The following MAP3K21 variants were observed in gnomAD, a reference collection of about 807,000 sequenced individuals.
MAP3K21 encodes mitogen-activated protein kinase kinase kinase MLK4.
Under a neutral mutation model 86.1 loss-of-function variants are expected in MAP3K21, and 63 were observed. That is an observed-to-expected ratio of 0.73 (90% CI 0.60 to 0.90). MAP3K21 has a LOEUF of 0.90. Ranked by LOEUF, MAP3K21 falls within the 40% of genes least tolerant of loss-of-function variation. MAP3K21 has a pLI of 0.00. For missense variants in MAP3K21, 1,220 were observed against 1,367.7 expected, an observed-to-expected ratio of 0.89 and a Z score of 1.70; for synonymous variants, 558 against 564.8, an observed-to-expected ratio of 0.99 and a Z score of 0.17.
At position 233,328,886 on chromosome 1, in the gene MAP3K21, C is replaced by T; in HGVS notation, c.805+53C>T. 2.8e-6 allele frequency: 4 copies of T among 1,405,976 alleles called. No homozygotes were observed. Among genetic ancestry groups the T allele is most frequent in the Admixed American group, 2.7e-5 (1 of 37,676 alleles). 87.1% of individuals were successfully genotyped at this position (1,405,976 alleles called of 1,614,324 possible). On this transcript the variant is annotated intron_variant, in intron 1 of 9. Coordinates refer to ENST00000366624, the MANE Select transcript of MAP3K21 (RefSeq NM_032435.3). The surrounding 1 kb of genome is among the most constrained non-coding windows in gnomAD (Gnocchi z 8.7). ...AAGACTACCTCCGTGCCAGCCCAGG[C>T]GGGCTCCACAGGACATAGTACCAGA...
chr1:233,359,388 A>G (rs1437752280), intron 4 of MAP3K21, among the ~76,000 whole-genome samples: 1 of 152,222 alleles, frequency 6.6e-6, no homozygotes, highest in Non-Finnish European at 1.5e-5. Context: ...TGGATTTACA[A>G]TTAAAGAATA....
intron 8 of MAP3K21, among the ~76,000 whole-genome samples, chr1:233,378,247 G>T (rs1225907954): frequency 3.3e-5 from 5 of 152,228 alleles, no homozygotes; most frequent in Non-Finnish European, 5.9e-5. Context: ...TGATAAGAAT[G>T]TTAGCTTCCT....
At chr1:233,381,875 C>T (rs1294238) in intron 9 of MAP3K21, among the ~76,000 whole-genome samples, 65,977 of 151,448 alleles carry the variant, frequency 0.44, 14,524 homozygotes, top group African/African-American at 0.51. Flanking sequence ...ATCATGTTGA[C>T]CATCATTTTT....
intron 5 of MAP3K21, among the ~76,000 whole-genome samples, chr1:233,365,336 A>G (rs530056904): frequency 3.3e-5 from 5 of 152,232 alleles, no homozygotes; most frequent in Non-Finnish European, 5.9e-5. Flanking sequence ...CAGAGTGAAG[A>G]GACCACCTGT....
chr1:233,349,698 G>T (rs1663212528), intron 2 of MAP3K21, among the ~76,000 whole-genome samples: 1 of 152,130 alleles, frequency 6.6e-6, no homozygotes, highest in Non-Finnish European at 1.5e-5. Flanking sequence ...CAACACTTTG[G>T]GAGGCCGAGG....
intron 1 of MAP3K21, among the ~76,000 whole-genome samples, chr1:233,336,082 G>A (rs1662906062): frequency 6.6e-6 from 1 of 152,146 alleles, no homozygotes; most frequent in Non-Finnish European, 1.5e-5. Flanking sequence ...ACCTATTGTG[G>A]CGTCAGAATC....
In MAP3K21 at chr1:233,328,932, C is replaced by A; in HGVS notation, c.805+99C>A. On this transcript the variant is annotated intron_variant, in intron 1 of 9. Transcript: ENST00000366624. The surrounding 1 kb of genome is among the most constrained non-coding windows in gnomAD (Gnocchi z 8.7). ...CCAGATGGAAAGAGGTGGGAGTCAG[C>A]CTTAGGGCGCCAGCAGCAACTCATG... 8.5e-7 allele frequency: 1 copy of A among 1,175,074 alleles called. No individual in the cohort carries two copies. The highest frequency in any genetic ancestry group is 1.1e-6 in the Non-Finnish European group (1 of 929,554). The allele number at this position is 1,175,074 out of a possible 1,614,324, so 72.8% of individuals were successfully genotyped here. A position where few individuals can be genotyped will look rare whatever the true frequency, so the allele number is the denominator to read the frequency against.
At chr1:233,351,174 A>G (rs193275072) in intron 2 of MAP3K21, among the ~76,000 whole-genome samples, 11 of 152,282 alleles carry the variant, frequency 7.2e-5, no homozygotes, top group Non-Finnish European at 1.3e-4. Flanking sequence ...GATGTCTCCT[A>G]TAATTAACTA....
chr1:233,349,298 C>A (rs185534980), intron 2 of MAP3K21, among the ~76,000 whole-genome samples: 104 of 152,232 alleles, frequency 6.8e-4, no homozygotes, highest in African/African-American at 2.4e-3. Context: ...CATTGGCTAT[C>A]TTTTTAAGAT....
intron 1 of MAP3K21, among the ~76,000 whole-genome samples, chr1:233,341,979 G>GA (rs532306775): frequency 3.4e-4 from 51 of 148,012 alleles, no homozygotes; most frequent in African/African-American, 9.1e-4. Context: ...TGCAGCTGAT[G>GA]AAAAAAAAAA....
At chr1:233,374,893 T>C (rs1276216860) in intron 6 of MAP3K21, among the ~76,000 whole-genome samples, 1 of 150,926 alleles carries the variant, frequency 6.6e-6, no homozygotes, top group Non-Finnish European at 1.5e-5. Flanking sequence ...TTTCAGATAT[T>C]TTTCCCCTAA....
rs770589039 is a variant in MAP3K21 at position 233,379,686 on chromosome 1, A to G, written c.2680A>G (p.Met894Val). The G allele has an allele frequency of 1.9e-6, 3 of 1,611,724 alleles. No individual in the cohort carries two copies. Among genetic ancestry groups the G allele is most frequent in the East Asian group, 4.5e-5 (2 of 44,844 alleles). ...TAGACCGTCACATCACAGACGGACC[A>G]TGTCTGATGGAAATCCGACCCCAAG... Reference protein sequence around the residue: ...KHRPSHHRRTMSDGNPTPTGA... With the variant: ...KHRPSHHRRTVSDGNPTPTGA... The change falls in exon 9 of 10, where the codon ATG (methionine) becomes GTG (valine). Residue 894 changes from methionine to valine, a missense_variant. By Grantham distance (21) the Met-to-Val change is conservative (BLOSUM62 1). This residue lies in a region of MAP3K21 where 632 missense variants were observed against 691.3 expected (regional missense o/e 0.91). Transcript: ENST00000366624.
intron 1 of MAP3K21, among the ~76,000 whole-genome samples, chr1:233,336,384 T>A (rs1246859645): frequency 6.6e-6 from 1 of 151,860 alleles, no homozygotes; most frequent in Non-Finnish European, 1.5e-5. Context: ...CTACTAAAAA[T>A]ACAGAAATTA....
At chr1:233,340,638 G>A (rs1167956324) in intron 1 of MAP3K21, among the ~76,000 whole-genome samples, 2 of 152,048 alleles carry the variant, frequency 1.3e-5, no homozygotes, top group East Asian at 3.9e-4. Context: ...GGGAACTGGT[G>A]CCACTAGGAA....
intron 1 of MAP3K21, among the ~76,000 whole-genome samples, chr1:233,346,112 T>C (rs1419588631): frequency 6.6e-6 from 1 of 152,340 alleles, no homozygotes; most frequent in African/African-American, 2.4e-5. Context: ...AAATAATGTA[T>C]TTTTTCATAT....
In MAP3K21 at chr1:233,354,844, C is replaced by G. The variant is rs1369219648; in HGVS notation, c.1144C>G (p.Gln382Glu). 1 of 1,613,530 alleles carries G rather than the reference C, an allele frequency of 6.2e-7. No homozygotes were observed. Among genetic ancestry groups the G allele is most frequent in the Non-Finnish European group, 8.5e-7 (1 of 1,179,794 alleles). The change falls in exon 4 of 10, where the codon CAA becomes GAA. Residue 382 changes from glutamine to glutamate, a missense_variant. Around this residue, in one of 5 missense-constraint regions of MAP3K21, gnomAD observed 126 missense variants for 127.7 expected, o/e 0.99. Coordinates refer to ENST00000366624, the MANE Select transcript of MAP3K21 (RefSeq NM_032435.3). ...ATTTTTGTTTATTTTAGAATGCTGG[C>G]AACAAGACCCTCATATTCGTCCATC... ...PFAKLMKECW[Q>E]QDPHIRPSFA...
rs778528492 is a variant in MAP3K21 at position 233,328,545 on chromosome 1, C to T, written c.517C>T (p.Arg173Trp). 8 of 1,532,698 alleles carry T rather than the reference C, an allele frequency of 5.2e-6. No individual in the cohort carries two copies. The highest frequency in any genetic ancestry group is 7.0e-6 in the Non-Finnish European group (8 of 1,150,830). 94.9% of individuals were successfully genotyped at this position (1,532,698 alleles called of 1,614,324 possible). Reference sequence around the variant, plus strand: ...TGCCGAGAGCGTGCGGCGCGAGGCTCGGCTCTTCGCCATGCTGCGGCACCC... The same window carrying T: ...TGCCGAGAGCGTGCGGCGCGAGGCTTGGCTCTTCGCCATGCTGCGGCACCC... ...AAAESVRREA[R>W]LFAMLRHPNI... The change falls in exon 1 of 10, where the codon CGG (arginine) becomes TGG (tryptophan). Residue 173 changes from arginine (R) to tryptophan (W), a missense_variant. Coordinates refer to ENST00000366624, the MANE Select transcript of MAP3K21 (RefSeq NM_032435.3). This position sits in a 1 kb window ranked among gnomAD's most constrained non-coding sequence, Gnocchi z 8.7.
rs182361861 is a variant in MAP3K21 at position 233,336,084 on chromosome 1, G to A, written c.805+7251G>A. On this transcript the variant is annotated intron_variant, in intron 1 of 9. Transcript: ENST00000366624. Reference sequence around the variant, plus strand: ...CAGTAGTTCCCACACCTATTGTGGCGTCAGAATCTCTCTGAGAACTTTTTA... The same window carrying A: ...CAGTAGTTCCCACACCTATTGTGGCATCAGAATCTCTCTGAGAACTTTTTA... Among the ~76,000 whole-genome samples the A allele has an allele frequency of 1.7e-3, 260 of 152,266 alleles. 1 individual carries two copies. Among genetic ancestry groups the A allele is most frequent in the African/African-American group, 5.9e-3 (243 of 41,536 alleles).
intron 2 of MAP3K21, among the ~76,000 whole-genome samples, chr1:233,349,559 G>A (rs1247967653): frequency 1.3e-5 from 2 of 152,212 alleles, no homozygotes; most frequent in East Asian, 3.9e-4. Flanking sequence ...CAAAATATGG[G>A]CCTTTAAGCC....
Sources: gnomAD v4.1 joint callset for allele counts (sites outside exome capture counted in the v4.1 genomes callset) on GRCh38, gnomAD v4.1.1 for gene constraint, gnomAD v4.1.1 regional missense constraint, Gnocchi (gnomAD v3.1) non-coding constraint, MANE v1.5 for transcripts, NCBI Gene and HGNC (gene_info 2026-07-23, HGNC 2026-07-21) for gene names.